Variants in ZFYVE19 observed in about 807,000 individuals in gnomAD.
The protein encoded by ZFYVE19 is abscission/NoCut checkpoint regulator.
In ZFYVE19, 49 loss-of-function variants were observed where a neutral mutation model predicts 62.8. The observed-to-expected ratio is 0.78, with a 90% CI of 0.62 to 0.99. The LOEUF (loss-of-function observed/expected upper bound fraction) is 0.99. ZFYVE19 is among the 50% of genes least tolerant of loss of function. ZFYVE19 has a pLI of 0.00. For missense variants in ZFYVE19, 630 were observed against 601.9 expected (o/e 1.05, Z -0.49); for synonymous variants, 242 against 234.3 (o/e 1.03, Z -0.30).
At chr15:40,810,374 T>C (rs1046109102) in intron 5 of ZFYVE19, among the ~76,000 whole-genome samples, 158 bp downstream of exon 5, 1 of 152,220 alleles carries the variant, frequency 6.6e-6, no homozygotes, top group African/African-American at 2.4e-5. Flanking sequence ...CTTTGTACTT[T>C]ATGTACTTTG....
At chr15:40,812,563 AAG>A in intron 6 of ZFYVE19, 134 bp from the exon 7 acceptor site, 1 of 544,182 alleles carries the variant, frequency 1.8e-6, no homozygotes, top group Non-Finnish European at 2.9e-6. Flanking sequence ...AAAAAAAAGA[AAG>A]AAAGAAAGAA....
At chr15:40,812,676 G>C (rs17657877) in intron 6 of ZFYVE19, 23 bp from the exon 7 acceptor site, 584,233 of 1,597,110 alleles carry the variant, frequency 0.37, 109,127 homozygotes, top group South Asian at 0.48. Context: ...TCTCGGCCTT[G>C]CTGATGGCAT....
chr15:40,808,106 C>G, intron 1 of ZFYVE19: 1 of 696,052 alleles, frequency 1.4e-6, no homozygotes, highest in Non-Finnish European at 2.1e-6. Flanking sequence ...GTAAAGCGCG[C>G]TGCCGTCGTT....
In ZFYVE19 at chr15:40,814,438, C is replaced by T; in HGVS notation, c.*212C>T. ...AGTCGGGGCCCTCCTATTAGAAGCC[C>T]AGACTGGAAGTGAGAGGCATGATGG... On this transcript the variant is annotated 3_prime_UTR_variant, in exon 11 of 11. Coordinates refer to ENST00000355341, the MANE Select transcript of ZFYVE19 (RefSeq NM_001077268.2). 1 of 619,468 alleles carries T rather than the reference C, an allele frequency of 1.6e-6. No homozygotes were observed. Among genetic ancestry groups the T allele is most frequent in the Non-Finnish European group, 2.8e-6 (1 of 358,294 alleles). 38.4% of individuals were successfully genotyped at this position (619,468 alleles called of 1,614,324 possible).
Position 40,813,422 on chromosome 15 carries a change from G to T in ZFYVE19, c.1110+5G>T. On this transcript the variant is annotated splice_donor_5th_base_variant and intron_variant, in intron 8 of 10. Coordinates refer to ENST00000355341, the MANE Select transcript of ZFYVE19 (RefSeq NM_001077268.2). ...ATCCAAAGAGTCCTGCAGCAGGTGG[G>T]CCTGGATTACCCACCTGCCACCCCT... 1 of 1,595,792 alleles carries T rather than the reference G, an allele frequency of 6.3e-7. No individual in the cohort carries two copies. The highest frequency in any genetic ancestry group is 8.5e-7 in the Non-Finnish European group (1 of 1,171,444).
In ZFYVE19 at chr15:40,809,984, G is replaced by T. The variant is rs1390600555; in HGVS notation, c.571+14G>T. ...AGAACAAGCCCAGTGAGCAGGGGCA[G>T]ATGGGGTTGCCTAGAGGACACAGTC... On this transcript the variant is annotated intron_variant, in intron 4 of 10. Transcript: ENST00000355341. 1.2e-6 allele frequency: 2 copies of T among 1,614,108 alleles called. No homozygotes were observed. Among genetic ancestry groups the T allele is most frequent in the African/African-American group, 2.7e-5 (2 of 74,952 alleles).
In ZFYVE19 at chr15:40,810,776, T is replaced by G; in HGVS notation, c.826+19T>G. ...GGCCCAGGTAACCCCTCCACTTGGC[T>G]CCCTAGGAATCTGCCCTACCTCTTT... On this transcript the variant is annotated intron_variant, in intron 6 of 10. Transcript: ENST00000355341. The G allele has an allele frequency of 1.3e-6, 2 of 1,552,216 alleles. No homozygotes were observed. Among genetic ancestry groups the G allele is most frequent in the Non-Finnish European group, 1.7e-6 (2 of 1,147,302 alleles).
Position 40,813,925 on chromosome 15 carries a change from CCT to C in ZFYVE19, c.1210-13_1210-12del. The C allele has an allele frequency of 6.3e-7, 1 of 1,595,676 alleles. No individual in the cohort carries two copies. ...CACTGGGTACCTTACTTCCTCCATT[CCT>C]CTCTGATCCCTGAAGGCCCAGGATG... On this transcript the variant is annotated splice_polypyrimidine_tract_variant and intron_variant, in intron 9 of 10. Coordinates refer to ENST00000355341, the MANE Select transcript of ZFYVE19 (RefSeq NM_001077268.2).
At chr15:40,808,832 T>G in intron 1 of ZFYVE19, 1 of 360,952 alleles carries the variant, frequency 2.8e-6, no homozygotes, top group Non-Finnish European at 5.2e-6. Context: ...TGGCCTGAAA[T>G]ACTGGGCTTT....
Position 40,813,421 on chromosome 15 carries a change from G to A in ZFYVE19, c.1110+4G>A, listed in dbSNP as rs1274057218. ...CATCCAAAGAGTCCTGCAGCAGGTGGGCCTGGATTACCCACCTGCCACCCC... is the reference window on the plus strand; with the variant it reads ...CATCCAAAGAGTCCTGCAGCAGGTGAGCCTGGATTACCCACCTGCCACCCC... On this transcript the variant is annotated splice_donor_region_variant and intron_variant, in intron 8 of 10. Coordinates refer to ENST00000355341, the MANE Select transcript of ZFYVE19 (RefSeq NM_001077268.2). 1 of 1,598,874 alleles carries A rather than the reference G, an allele frequency of 6.3e-7. No homozygotes were observed. Among genetic ancestry groups the A allele is most frequent in the Non-Finnish European group, 8.5e-7 (1 of 1,172,832 alleles).
chr15:40,813,027 A>G, intron 7 of ZFYVE19, 125 bp downstream of exon 7: 3 of 1,126,462 alleles, frequency 2.7e-6, no homozygotes, highest in Non-Finnish European at 3.8e-6. Context: ...GCCACAAGGA[A>G]GGTGGTAGAG....
Sources: gnomAD v4.1 joint callset for allele counts (sites outside exome capture counted in the v4.1 genomes callset) on GRCh38, gnomAD v4.1.1 for gene constraint, MANE v1.5 for transcripts, NCBI Gene and HGNC (gene_info 2026-07-23, HGNC 2026-07-21) for gene names.